Variants in LRRIQ3 observed in about 807,000 individuals in gnomAD.
LRRIQ3 encodes the protein leucine rich repeats and IQ motif containing 3.
In LRRIQ3, 75 loss-of-function variants were observed where a neutral mutation model predicts 59.3. That is an observed-to-expected ratio of 1.26 (90% CI 1.05 to 1.53). The LOEUF is 1.53. LRRIQ3 is among the 40% of genes most tolerant of loss of function. The pLI, the probability that LRRIQ3 is intolerant of heterozygous loss-of-function variation, is 0.00. For missense variants in LRRIQ3, 831 were observed against 710.0 expected, an observed-to-expected ratio of 1.17 and a Z score of -1.94; for synonymous variants, 250 against 231.3, an observed-to-expected ratio of 1.08 and a Z score of -0.73.
chr1:74,041,496 T>G lies in LRRIQ3; in HGVS notation c.1435A>C (p.Ile479Leu), dbSNP rs774469314. Residue 479 changes from isoleucine to leucine, a missense_variant, in exon 7 of 8, where the codon ATT becomes CTT. Coordinates refer to ENST00000354431, the MANE Select transcript of LRRIQ3 (RefSeq NM_001105659.2). ...QKLIEENKET[I>L]QNSLRQVWQN... ...CAAACTTGTCGTAAACTGTTCTGAA[T>G]TGTCTCTTTATTTTCTTCAATTAGT... is the stretch of plus-strand genomic sequence containing the variant. 9.3e-6 allele frequency: 15 copies of G among 1,612,228 alleles called. No homozygotes were observed. The African/African-American group carries it at 1.9e-4, about 20-fold the overall frequency.
At chr1:74,182,447 A>AT (rs906511608) in intron 3 of LRRIQ3, 91 bp downstream of exon 3, 1 of 661,652 alleles carries the variant, frequency 1.5e-6, no homozygotes. Context: ...AAAAATATTA[A>AT]AAAGTTTATA....
chr1:74,062,834 G>C (rs746882148), intron 6 of LRRIQ3, among the ~76,000 whole-genome samples: 35 of 152,144 alleles, frequency 2.3e-4, no homozygotes, highest in Non-Finnish European at 4.4e-4. Flanking sequence ...CCTACTTGAA[G>C]GTGGTGGGTG....
chr1:74,076,673 C>T (rs17094804), intron 5 of LRRIQ3, among the ~76,000 whole-genome samples: 5 of 151,918 alleles, frequency 3.3e-5, no homozygotes, highest in African/African-American at 1.2e-4. Flanking sequence ...TTACAATTTT[C>T]TTAGTTTCTA....
chr1:74,148,626 G>C (rs1647727346), intron 4 of LRRIQ3, among the ~76,000 whole-genome samples: 1 of 152,192 alleles, frequency 6.6e-6, no homozygotes, highest in Admixed American at 6.5e-5. Context: ...ACCTTCACTT[G>C]TTCAGTTATT....
intron 1 of LRRIQ3, among the ~76,000 whole-genome samples, chr1:74,195,094 G>T (rs1388146507): frequency 3.3e-5 from 5 of 152,162 alleles, no homozygotes; most frequent in Middle Eastern, 6.3e-3. Context: ...GTTGAGGGGT[G>T]TGAGGGTTCC....
chr1:74,045,853 T>C (rs112007932), intron 6 of LRRIQ3, among the ~76,000 whole-genome samples: 2,916 of 152,152 alleles, frequency 0.019, 82 homozygotes, highest in African/African-American at 0.067. Context: ...AACTCCCATT[T>C]ACAACCACTG....
intron 6 of LRRIQ3, among the ~76,000 whole-genome samples, chr1:74,074,137 A>T (rs1646169275): frequency 6.6e-6 from 1 of 152,146 alleles, no homozygotes; most frequent in Non-Finnish European, 1.5e-5. Flanking sequence ...CAGTTCAATG[A>T]TTCTTCCTAA....
At chr1:74,143,140 A>G (rs1647339984) in intron 4 of LRRIQ3, among the ~76,000 whole-genome samples, 1 of 152,182 alleles carries the variant, frequency 6.6e-6, no homozygotes, top group Non-Finnish European at 1.5e-5. Flanking sequence ...GTGAACTTCA[A>G]ATAAAATAAA....
At chr1:74,169,139 T>C (rs1301891209) in intron 3 of LRRIQ3, among the ~76,000 whole-genome samples, 2 of 152,160 alleles carry the variant, frequency 1.3e-5, no homozygotes, top group Admixed American at 6.6e-5. Context: ...AATTTGACTA[T>C]GTTAGATGCT....
At chr1:74,157,263 C>T (rs545590571) in intron 3 of LRRIQ3, among the ~76,000 whole-genome samples, 1 of 151,974 alleles carries the variant, frequency 6.6e-6, no homozygotes, top group Admixed American at 6.6e-5. Context: ...ATTAACTCCC[C>T]TCCATTCTCT....
At chr1:74,088,910 T>C (rs570072797) in intron 5 of LRRIQ3, among the ~76,000 whole-genome samples, 31 of 152,142 alleles carry the variant, frequency 2.0e-4, no homozygotes, top group Non-Finnish European at 3.7e-4. Context: ...ACTCACAAAT[T>C]ATATATGTGA....
intron 6 of LRRIQ3, among the ~76,000 whole-genome samples, chr1:74,058,570 G>T (rs1654607449): frequency 6.6e-6 from 1 of 152,058 alleles, no homozygotes; most frequent in Non-Finnish European, 1.5e-5. Context: ...GCTGGAGAGT[G>T]TTGGAGAAGG....
chr1:74,059,920 C>CT (rs1286986808), intron 6 of LRRIQ3, among the ~76,000 whole-genome samples: 7 of 151,672 alleles, frequency 4.6e-5, no homozygotes, highest in Non-Finnish European at 7.4e-5. Flanking sequence ...TTATTTTATT[C>CT]TTTTTTGTTG....
intron 5 of LRRIQ3, among the ~76,000 whole-genome samples, chr1:74,088,816 G>A (rs533291752): frequency 6.6e-6 from 1 of 151,876 alleles, no homozygotes; most frequent in African/African-American, 2.4e-5. Context: ...AAATATAAAT[G>A]TAAGTTTACC....
intron 4 of LRRIQ3, among the ~76,000 whole-genome samples, chr1:74,116,927 CCT>C (rs1324879990): frequency 1.3e-5 from 2 of 151,886 alleles, no homozygotes; most frequent in African/African-American, 4.8e-5. Flanking sequence ...GTAAATCTGC[CCT>C]GTTATGTACT....
Position 74,054,737 on chromosome 1 carries a change from CAA to C in LRRIQ3, c.998-12806_998-12805del, listed in dbSNP as rs1442987991. Among the ~76,000 whole-genome samples the C allele has an allele frequency of 5.5e-5, 5 of 91,508 alleles. No homozygotes were observed. The Admixed American group carries it at 6.9e-4, about 13-fold the overall frequency. The allele number at this position is 91,508 out of a possible 152,430, so 60.0% of individuals were successfully genotyped here. ...ATTAATTACAAAAAGGAAGAAAACA[CAA>C]ATATATATATATATATATCTATATA... On this transcript the variant is annotated intron_variant, in intron 6 of 7. Coordinates refer to ENST00000354431, the MANE Select transcript of LRRIQ3 (RefSeq NM_001105659.2).
chr1:74,196,873 A>G (rs1651191541), intron 1 of LRRIQ3, among the ~76,000 whole-genome samples: 1 of 152,118 alleles, frequency 6.6e-6, no homozygotes. Context: ...CTCATCCCCC[A>G]TTATAATCTA....
intron 1 of LRRIQ3, among the ~76,000 whole-genome samples, chr1:74,195,633 T>C (rs924981085): frequency 5.9e-5 from 9 of 152,180 alleles, no homozygotes; most frequent in African/African-American, 2.2e-4. Context: ...AAAGCCCAAA[T>C]GCCTCCACAG....
chr1:74,034,384 G>T (rs934862272), intron 7 of LRRIQ3, among the ~76,000 whole-genome samples: 4 of 151,886 alleles, frequency 2.6e-5, no homozygotes, highest in African/African-American at 9.7e-5. Flanking sequence ...TGCTCTGCAG[G>T]TTAATACTTT....
Sources: allele counts gnomAD v4.1 joint callset (sites outside exome capture counted in the v4.1 genomes callset), GRCh38; gene constraint gnomAD v4.1.1; transcripts MANE v1.5; gene names NCBI Gene and HGNC (gene_info 2026-07-23, HGNC 2026-07-21).